Variants in CIMAP1B observed in about 807,000 individuals in gnomAD.
CIMAP1B encodes the protein ciliary microtubule associated protein 1B, also known as orf2 5' to PD-ECGF/TP.
At chr22:50,532,017 C>A in the CIMAP1B span, 1 of 1,360,332 alleles carries the variant, frequency 7.4e-7, no homozygotes, top group South Asian at 1.8e-5. Flanking sequence ...CCGTAGTGCG[C>A]CGCGATGGGG....
the CIMAP1B span, chr22:50,531,247 G>C: frequency 2.5e-6 from 4 of 1,612,022 alleles, no homozygotes; most frequent in South Asian, 4.4e-5. Context: ...GGTGTGCCGA[G>C]GCGCACTGGG....
At chr22:50,530,568 C>T in the CIMAP1B span, 1 of 1,581,806 alleles carries the variant, frequency 6.3e-7, no homozygotes, top group Non-Finnish European at 8.6e-7. Flanking sequence ...GTGCTGCGGG[C>T]CCGGAGACAC....
chr22:50,530,544 C>A, the CIMAP1B span: 1 of 1,596,532 alleles, frequency 6.3e-7, no homozygotes. Flanking sequence ...GAAACTCCAG[C>A]CGCGGGGCTT....
chr22:50,532,026 G>A, the CIMAP1B span: 1 of 1,348,388 alleles, frequency 7.4e-7, no homozygotes, highest in Non-Finnish European at 9.6e-7. Context: ...GCCGCGATGG[G>A]GCCGCGGGGC....
the CIMAP1B span, chr22:50,532,188 C>A: frequency 2.4e-6 from 3 of 1,267,424 alleles, no homozygotes; most frequent in Non-Finnish European, 3.0e-6. Context: ...ACCCTGGGAT[C>A]AGCGCGGGGC....
At chr22:50,531,156 G>A in the CIMAP1B span, 1 of 1,595,064 alleles carries the variant, frequency 6.3e-7, no homozygotes. Context: ...GAGTGGGAAG[G>A]CCCACAGTTC....
chr22:50,531,291 C>A, the CIMAP1B span: 9 of 1,607,604 alleles, frequency 5.6e-6, no homozygotes, highest in Non-Finnish European at 4.2e-6. Flanking sequence ...CCGGGAAGTA[C>A]CTGCCTGCGG....
the CIMAP1B span, chr22:50,530,509 C>T: frequency 1.2e-4 from 193 of 1,600,910 alleles, no homozygotes; most frequent in Middle Eastern, 1.7e-4. Flanking sequence ...ACCAGCGGGG[C>T]CAGGTAGTCC....
chr22:50,530,859 G>T, the CIMAP1B span: 1 of 1,604,588 alleles, frequency 6.2e-7, no homozygotes, highest in Non-Finnish European at 8.5e-7. Flanking sequence ...GGGTCTGCGA[G>T]AGGGCAGAGG....
chr22:50,531,978 G>A, the CIMAP1B span: 1 of 1,345,404 alleles, frequency 7.4e-7, no homozygotes. Context: ...CCGGTGTTGG[G>A]CGGCAGCTTG....
chr22:50,530,787 G>A, the CIMAP1B span: 1 of 1,607,286 alleles, frequency 6.2e-7, no homozygotes, highest in Non-Finnish European at 8.5e-7. Flanking sequence ...CCAGAATCGT[G>A]AACTGGGGGG....
the CIMAP1B span, chr22:50,530,568 C>A: frequency 6.3e-7 from 1 of 1,581,806 alleles, no homozygotes; most frequent in Admixed American, 1.8e-5. Flanking sequence ...GTGCTGCGGG[C>A]CCGGAGACAC....
At chr22:50,531,997 C>A in the CIMAP1B span, 1 of 1,359,030 alleles carries the variant, frequency 7.4e-7, no homozygotes, top group Non-Finnish European at 9.5e-7. Flanking sequence ...TGTATTTGGG[C>A]CCGGGGCCTC....
At chr22:50,530,863 GC>G in the CIMAP1B span, 1 of 1,605,632 alleles carries the variant, frequency 6.2e-7, no homozygotes, top group Non-Finnish European at 8.5e-7. Context: ...CTGCGAGAGG[GC>G]AGAGGGTGCT....
chr22:50,532,220 C>A, the CIMAP1B span: 1 of 1,140,790 alleles, frequency 8.8e-7, no homozygotes, highest in Non-Finnish European at 1.1e-6. Context: ...TGGACCGTAT[C>A]CCTGGCGCCA....
At chr22:50,531,818 C>G in the CIMAP1B span, 1 of 1,344,106 alleles carries the variant, frequency 7.4e-7, no homozygotes, top group Admixed American at 4.1e-5. Flanking sequence ...AGCCCCAAGC[C>G]CCATCTGCAA....
the CIMAP1B span, chr22:50,530,687 C>A: frequency 3.4e-4 from 540 of 1,609,494 alleles, no homozygotes; most frequent in African/African-American, 6.6e-3. Flanking sequence ...CTGACTCTGA[C>A]CCTTGACCCT....
the CIMAP1B span, chr22:50,530,512 G>A: frequency 2.5e-6 from 4 of 1,601,100 alleles, no homozygotes; most frequent in Non-Finnish European, 3.4e-6. Flanking sequence ...AGCGGGGCCA[G>A]GTAGTCCGAG....
chr22:50,531,449 G>A, the CIMAP1B span: 1 of 1,063,318 alleles, frequency 9.4e-7, no homozygotes, highest in African/African-American at 1.6e-5. Context: ...GGATATGGGG[G>A]TACCGAATAT....
Sources: allele counts gnomAD v4.1 joint callset, GRCh38; gene constraint gnomAD v4.1.1; transcripts MANE v1.5; gene names NCBI Gene and HGNC (gene_info 2026-07-23, HGNC 2026-07-21).